Variants in OR4E2 observed in about 807,000 individuals in gnomAD.
The protein encoded by OR4E2 is olfactory receptor 4E2.
OR4E2 carries 9 observed loss-of-function variants against 11.0 expected under a neutral mutation model. That is an observed-to-expected ratio of 0.82 (90% CI 0.49 to 1.43). OR4E2 has a LOEUF of 1.43. Among genes scored for constraint, OR4E2 ranks in the 40% most tolerant of loss-of-function variants. The probability of loss-of-function intolerance (pLI) is 0.00; values close to 1 mark genes in which losing one functional copy is unlikely to be tolerated. For missense variants in OR4E2, 441 were observed against 382.0 expected (o/e 1.15, Z -1.29); for synonymous variants, 159 against 147.3 (o/e 1.08, Z -0.57).
At chr14:21,654,908 T>C (rs1439310202) in intron 1 of OR4E2, among the ~76,000 whole-genome samples, 1 of 152,154 alleles carries the variant, frequency 6.6e-6, no homozygotes, top group African/African-American at 2.4e-5. Context: ...AGTCTGGAAA[T>C]AGAATTCTTT....
chr14:21,663,129 T>G (rs541211230), intron 3 of OR4E2, among the ~76,000 whole-genome samples: 1 of 152,216 alleles, frequency 6.6e-6, no homozygotes, highest in Admixed American at 6.5e-5. Context: ...ATACCCATTG[T>G]GTACAAGGCA....
chr14:21,658,779 C>T (rs1880153805), intron 2 of OR4E2, among the ~76,000 whole-genome samples: 1 of 151,428 alleles, frequency 6.6e-6, no homozygotes, highest in South Asian at 2.1e-4. Flanking sequence ...AGACAAAGAG[C>T]AGGAAGAGAT....
At chr14:21,658,116 A>G (rs1460666822) in intron 2 of OR4E2, among the ~76,000 whole-genome samples, 1 of 152,248 alleles carries the variant, frequency 6.6e-6, no homozygotes, top group Non-Finnish European at 1.5e-5. Flanking sequence ...AATCCAACTC[A>G]GCTCTCTGCA....
At chr14:21,664,435 A>C (rs1477223352) in intron 3 of OR4E2, among the ~76,000 whole-genome samples, 1 of 152,100 alleles carries the variant, frequency 6.6e-6, no homozygotes, top group Non-Finnish European at 1.5e-5. Context: ...TTTTTAATGG[A>C]GTTGTTTGTA....
rs1880644042 is a variant in OR4E2 at position 21,666,240 on chromosome 14, A to G, written c.*216A>G. 4.5e-6 allele frequency: 2 copies of G among 442,754 alleles called. No homozygotes were observed. The highest frequency in any genetic ancestry group is 7.9e-6 in the Non-Finnish European group (2 of 251,802). 27.4% of individuals were successfully genotyped at this position (442,754 alleles called of 1,614,324 possible). On this transcript the variant is annotated 3_prime_UTR_variant, in exon 4 of 4. Coordinates refer to ENST00000641524, the MANE Select transcript of OR4E2 (RefSeq NM_001001912.3). The stretch of plus-strand genomic sequence containing the variant: ...AAAGCAAAAGATCATAGTGGAAGTT[A>G]TAAGGAAAAATAACGTGGGAAAGTT...
intron 2 of OR4E2, among the ~76,000 whole-genome samples, chr14:21,660,023 C>T (rs1297629617): frequency 6.6e-6 from 1 of 151,970 alleles, no homozygotes; most frequent in East Asian, 1.9e-4. Context: ...TGAGCAAAGA[C>T]ATCAAGGGGG....
chr14:21,662,783 G>A lies in OR4E2; in HGVS notation c.-9+2037G>A, dbSNP rs140867173. ...TTCCTAATGTAAACCCCTAATGTAA[G>A]CCTCACGTTATTTTAAATAATACTA... On this transcript the variant is annotated intron_variant, in intron 3 of 3. Coordinates refer to ENST00000641524, the MANE Select transcript of OR4E2 (RefSeq NM_001001912.3). 3.6e-3 allele frequency among the ~76,000 whole-genome samples: 544 copies of A among 152,134 alleles called. 2 individuals carry two copies. The highest frequency in any genetic ancestry group is 6.3e-3 in the Non-Finnish European group (430 of 68,014).
At chr14:21,657,473 TTCCTTCCTTCCTTCCTTCC>T (rs1880056421) in intron 2 of OR4E2, among the ~76,000 whole-genome samples, 4 of 115,630 alleles carry the variant, frequency 3.5e-5, no homozygotes, top group African/African-American at 1.3e-4. Context: ...CCTTCCTTCC[TTCCTTCCTTCCTTCCTTCC>T]TTCCTTCCTT....
At chr14:21,664,608 T>C (rs1880525224) in intron 3 of OR4E2, among the ~76,000 whole-genome samples, 1 of 152,124 alleles carries the variant, frequency 6.6e-6, no homozygotes, top group South Asian at 2.1e-4. Flanking sequence ...GAAGAATTAA[T>C]AGGGAGAATA....
chr14:21,654,125 C>T lies in OR4E2; in HGVS notation c.-191+186C>T, dbSNP rs78928778. Among the ~76,000 whole-genome samples the T allele has an allele frequency of 2.9e-3, 442 of 152,246 alleles. 3 individuals carry two copies. Among genetic ancestry groups the T allele is most frequent in the African/African-American group, 1.0e-2 (414 of 41,554 alleles). ...TTATGATGCTGAGTTTTGCTATCCT[C>T]TTCCTGCCTCACCTTTATAATGTGA... On this transcript the variant is annotated intron_variant, in intron 1 of 3. Coordinates refer to ENST00000641524, the MANE Select transcript of OR4E2 (RefSeq NM_001001912.3).
intron 3 of OR4E2, among the ~76,000 whole-genome samples, chr14:21,664,376 C>A (rs773355660): frequency 2.0e-5 from 3 of 152,094 alleles, no homozygotes; most frequent in Non-Finnish European, 2.9e-5. Flanking sequence ...TGTTTGTTGG[C>A]CACATAAATG....
intron 1 of OR4E2, 137 bp downstream of exon 1, chr14:21,654,076 GCTC>G (rs1272077661): frequency 1.3e-5 from 2 of 152,134 alleles, no homozygotes; most frequent in Non-Finnish European, 2.9e-5. Context: ...GCTTAATAGA[GCTC>G]CTGGGTTGAT....
chr14:21,660,427 G>A (rs574901858), intron 2 of OR4E2, among the ~76,000 whole-genome samples: 1 of 152,282 alleles, frequency 6.6e-6, no homozygotes, highest in South Asian at 2.1e-4. Context: ...CCCAGAGTGG[G>A]ACTGTGTTTT....
intron 3 of OR4E2, among the ~76,000 whole-genome samples, chr14:21,664,018 CT>C (rs1880485068): frequency 1.3e-5 from 2 of 152,160 alleles, no homozygotes; most frequent in South Asian, 4.1e-4. Flanking sequence ...GGCATTTAGG[CT>C]GATTCCATGA....
At chr14:21,657,503 C>T (rs1173428570) in intron 2 of OR4E2, among the ~76,000 whole-genome samples, 32 of 97,700 alleles carry the variant, frequency 3.3e-4, no homozygotes, top group African/African-American at 1.3e-3. Flanking sequence ...TTCCTTCCTT[C>T]CTTCTTTCTT....
At chr14:21,664,426 T>A (rs1035368206) in intron 3 of OR4E2, among the ~76,000 whole-genome samples, 2 of 152,206 alleles carry the variant, frequency 1.3e-5, no homozygotes, top group African/African-American at 4.8e-5. Context: ...CTTTGCCCAT[T>A]TTTAATGGAG....
At chr14:21,664,648 T>C (rs1356467222) in intron 3 of OR4E2, among the ~76,000 whole-genome samples, 3 of 152,144 alleles carry the variant, frequency 2.0e-5, no homozygotes, top group African/African-American at 4.8e-5. Flanking sequence ...AAAATGAAAA[T>C]GTGCAGCAGA....
intron 2 of OR4E2, among the ~76,000 whole-genome samples, chr14:21,659,148 G>T (rs964575881): frequency 6.6e-6 from 1 of 152,014 alleles, no homozygotes; most frequent in Non-Finnish European, 1.5e-5. Flanking sequence ...TGTTTCTCCT[G>T]CTTCAGTCTC....
At position 21,665,066 on chromosome 14, in the gene OR4E2, C is replaced by T; in HGVS notation, c.-8-9C>T. ...AAACTAAATTAGCTTTCATTTTTTCCCCCCTAAGCTCATTGAATGGACAGT... is the reference window on the plus strand; with the variant it reads ...AAACTAAATTAGCTTTCATTTTTTCTCCCCTAAGCTCATTGAATGGACAGT... On this transcript the variant is annotated splice_polypyrimidine_tract_variant and intron_variant, in intron 3 of 3. Transcript: ENST00000641524. 1.4e-6 allele frequency: 2 copies of T among 1,404,754 alleles called. No homozygotes were observed. The allele number at this position is 1,404,754 out of a possible 1,614,324, so 87.0% of individuals were successfully genotyped here. A position where few individuals can be genotyped will look rare whatever the true frequency, so the allele number is the denominator to read the frequency against.
Sources: gnomAD v4.1 joint callset for allele counts (sites outside exome capture counted in the v4.1 genomes callset) on GRCh38, gnomAD v4.1.1 for gene constraint, MANE v1.5 for transcripts, NCBI Gene and HGNC (gene_info 2026-07-23, HGNC 2026-07-21) for gene names.